C8B: variants seen among roughly 807,000 people sequenced by gnomAD.
C8B encodes the protein complement C8 beta chain, also known as complement component C8 beta chain.
Under a neutral mutation model 64.6 loss-of-function variants are expected in C8B, and 67 were observed. That is an observed-to-expected ratio of 1.04 (90% CI 0.85 to 1.27). The LOEUF is 1.27. Ranked by LOEUF, C8B falls within the 50% of genes most tolerant of loss-of-function variation. C8B has a pLI of 0.00. For synonymous variants in C8B, 284 were observed against 257.7 expected (o/e 1.10, Z -0.98); for missense variants, 790 against 725.2 (o/e 1.09, Z -1.03).
chr1:56,956,719 C>T, intron 3 of C8B, 50 bp downstream of exon 3: 2 of 1,605,262 alleles, frequency 1.2e-6, no homozygotes. Context: ...TCATCAAGAA[C>T]CATTACCTCA....
At position 56,929,408 on chromosome 1, in the gene C8B, G is replaced by A. The variant is rs1644662055; in HGVS notation, c.1772C>T (p.Ser591Phe). 1 of 1,611,998 alleles carries A rather than the reference G, an allele frequency of 6.2e-7. No individual in the cohort carries two copies. Among genetic ancestry groups the A allele is most frequent in the Admixed American group, 1.7e-5 (1 of 59,972 alleles). Reference protein sequence around the residue: ...SGPASETLDCS With the variant: ...SGPASETLDCF ...AGCCCACTGCTGTATCATCTGCTAG[G>A]AGCAGTCAAGTGTTTCTGAAGCAGG... The change falls in exon 12 of 12, where the codon TCC becomes TTC. Residue 591 changes from serine (S) to phenylalanine (F), a missense_variant. Coordinates refer to ENST00000371237, the MANE Select transcript of C8B (RefSeq NM_000066.4).
At chr1:56,963,859 G>A in intron 1 of C8B, 1 of 985,376 alleles carries the variant, frequency 1.0e-6, no homozygotes, top group South Asian at 4.7e-5. Context: ...CACAGTGATT[G>A]TGATTTCATC....
At chr1:56,945,174 A>G (rs772080884) in intron 7 of C8B, among the ~76,000 whole-genome samples, 2 of 152,204 alleles carry the variant, frequency 1.3e-5, no homozygotes, top group Non-Finnish European at 2.9e-5. Flanking sequence ...CAAGATTCAT[A>G]CTTGATTCAC....
chr1:56,929,875 G>T (rs1644673939), intron 11 of C8B, among the ~76,000 whole-genome samples: 2 of 152,128 alleles, frequency 1.3e-5, no homozygotes, highest in Admixed American at 6.5e-5. Flanking sequence ...TCAATTCCCT[G>T]TGACTCCTAA....
intron 1 of C8B, among the ~76,000 whole-genome samples, chr1:56,963,044 C>T (rs1224811039): frequency 2.6e-5 from 4 of 152,144 alleles, no homozygotes; most frequent in African/African-American, 4.8e-5. Flanking sequence ...CAATGTTTTG[C>T]GATTGCAAAT....
chr1:56,943,609 CA>C, intron 8 of C8B, 86 bp downstream of exon 8: 1 of 1,528,518 alleles, frequency 6.5e-7, no homozygotes. Flanking sequence ...GTATTTGTCT[CA>C]AAAAGGGAGG....
chr1:56,951,432 C>T (rs1362314405), intron 5 of C8B, among the ~76,000 whole-genome samples: 1 of 152,064 alleles, frequency 6.6e-6, no homozygotes, highest in African/African-American at 2.4e-5. Flanking sequence ...TGTGTGTGTC[C>T]TATGGGCTAT....
chr1:56,932,092 C>T (rs1165106829), intron 10 of C8B, among the ~76,000 whole-genome samples: 4 of 152,196 alleles, frequency 2.6e-5, no homozygotes. Context: ...CCTAGGAATA[C>T]ATAGAGTTGT....
chr1:56,953,502 C>G (rs1358782073), intron 4 of C8B, among the ~76,000 whole-genome samples: 1 of 152,156 alleles, frequency 6.6e-6, no homozygotes, highest in Non-Finnish European at 1.5e-5. Flanking sequence ...GGGTAACTGA[C>G]TAACCCAGAG....
intron 9 of C8B, among the ~76,000 whole-genome samples, chr1:56,936,601 CT>C (rs35818447): frequency 1.8e-3 from 172 of 95,160 alleles, no homozygotes; most frequent in Non-Finnish European, 2.5e-3. Flanking sequence ...TTTTTCTTTT[CT>C]TTTTTTTTTT....
rs1223676158 is a variant in C8B at position 56,931,809 on chromosome 1, C to T, written c.1621+1G>A. The T allele has an allele frequency of 1.9e-6, 3 of 1,605,100 alleles. No individual in the cohort carries two copies. The highest frequency in any genetic ancestry group is 2.6e-6 in the Non-Finnish European group (3 of 1,173,010). ...CAGAGTTCCTTTTCCAATTAACTTA[C>T]TCTTCCGATAGGAGACCTCACAGGC... On this transcript the variant is annotated splice_donor_variant, in intron 11 of 11. Transcript: ENST00000371237. LOFTEE classifies it high-confidence loss of function.
In C8B at chr1:56,956,682, G is replaced by C. The variant is rs1374611146; in HGVS notation, c.391+87C>G. ...TGAGCTGCCCCATGACCCTGATCTTGAGCACTGGACATGGCCTGTCCCTTG... is the reference window on the plus strand; with the variant it reads ...TGAGCTGCCCCATGACCCTGATCTTCAGCACTGGACATGGCCTGTCCCTTG... On this transcript the variant is annotated intron_variant, in intron 3 of 11. Coordinates refer to ENST00000371237, the MANE Select transcript of C8B (RefSeq NM_000066.4). 9.5e-6 allele frequency: 14 copies of C among 1,474,316 alleles called. No individual in the cohort carries two copies. In the East Asian group the frequency reaches 2.9e-4, roughly 31 times the overall value. 91.3% of individuals were successfully genotyped at this position (1,474,316 alleles called of 1,614,324 possible). A position where few individuals can be genotyped will look rare whatever the true frequency, so the allele number is the denominator to read the frequency against.
chr1:56,944,409 C>G (rs1030695726), intron 7 of C8B, among the ~76,000 whole-genome samples: 14 of 152,194 alleles, frequency 9.2e-5, no homozygotes, highest in Admixed American at 8.5e-4. Flanking sequence ...ATAAGCACCT[C>G]TCTAAGCACT....
chr1:56,954,945 T>A, intron 3 of C8B, 118 bp from the exon 4 acceptor site: 1 of 1,144,866 alleles, frequency 8.7e-7, no homozygotes, highest in Non-Finnish European at 1.3e-6. Context: ...TGCCCTGTTT[T>A]AATTAGTCAT....
chr1:56,929,610 G>A (rs751115269), intron 11 of C8B, 52 bp from the exon 12 acceptor site: 12 of 1,576,278 alleles, frequency 7.6e-6, no homozygotes, highest in South Asian at 1.1e-5. Flanking sequence ...ATATTCTGGT[G>A]CCTTACTGGG....
intron 10 of C8B, 36 bp from the exon 11 acceptor site, chr1:56,931,914 C>T: frequency 1.3e-6 from 2 of 1,511,084 alleles, no homozygotes; most frequent in Non-Finnish European, 1.8e-6. Context: ...TGAATCATGC[C>T]AGGTGGAGCA....
rs141136423 is a variant in C8B, at chr1:56,945,914, G to A, written c.1012C>T (p.Arg338Cys). 336 of 1,614,040 alleles carry A rather than the reference G, an allele frequency of 2.1e-4. No individual in the cohort carries two copies. The highest frequency in any genetic ancestry group is 1.6e-3 in the African/African-American group (117 of 75,000). Residue 338 changes from arginine (R) to cysteine (C), a missense_variant, in exon 7 of 12, where the codon CGT becomes TGT. Coordinates refer to ENST00000371237, the MANE Select transcript of C8B (RefSeq NM_000066.4). ...GTGATGTAGTGGGTCCCAAAATCAC[G>A]GAAGAGATCTCTGTATTCCCCGTAG... is the stretch of plus-strand genomic sequence containing the variant. ...YSYGEYRDLF[R>C]DFGTHYITEA...
At chr1:56,954,280 G>A (rs1645067418) in intron 4 of C8B, among the ~76,000 whole-genome samples, 1 of 152,180 alleles carries the variant, frequency 6.6e-6, no homozygotes, top group South Asian at 2.1e-4. Context: ...AATGCTGGGA[G>A]ATAGGGGCAG....
At position 56,956,798 on chromosome 1, in the gene C8B, C is replaced by T. The variant is rs747647469; in HGVS notation, c.362G>A (p.Arg121Gln). 9.3e-6 allele frequency: 15 copies of T among 1,613,914 alleles called. No individual in the cohort carries two copies. Among genetic ancestry groups the T allele is most frequent in the South Asian group, 5.5e-5 (5 of 91,078 alleles). Residue 121 changes from arginine to glutamine, a missense_variant, in exon 3 of 12, where the codon CGA becomes CAA. Physicochemically the swap from Arg to Gln is conservative, Grantham distance 43 (BLOSUM62 1). Transcript: ENST00000371237. ...CTGTGCACACACAAAGCCTTCACAT[C>T]GCACTTGACTTCCGCATGGTCTGTT... ...VTNRPCGSQVRCEGFVCAQTG... is the reference protein window; with the variant it reads ...VTNRPCGSQVQCEGFVCAQTG...
Sources: allele counts gnomAD v4.1 joint callset (sites outside exome capture counted in the v4.1 genomes callset), GRCh38; gene constraint gnomAD v4.1.1; transcripts MANE v1.5; gene names NCBI Gene and HGNC (gene_info 2026-07-23, HGNC 2026-07-21).